Variants in GARIN2 observed in about 807,000 individuals in gnomAD.
GARIN2 encodes Golgi-associated RAB2 interactor protein 2.
the GARIN2 span, chr14:67,199,253 G>T: frequency 1.9e-5 from 30 of 1,598,226 alleles, no homozygotes; most frequent in Non-Finnish European, 2.6e-5. Context: ...CTTGAGTGAG[G>T]ATGATGCTGA....
chr14:67,207,629 G>A, the GARIN2 span, among the ~76,000 whole-genome samples: 2 of 152,126 alleles, frequency 1.3e-5, no homozygotes, highest in African/African-American at 4.8e-5. Context: ...TTGGCTTTAG[G>A]GCCTGCTGAC....
chr14:67,197,305 G>A, the GARIN2 span: 1 of 152,168 alleles, frequency 6.6e-6, no homozygotes, highest in African/African-American at 2.4e-5. Flanking sequence ...TCAAACTGAA[G>A]TGAGTTAAAA....
At chr14:67,192,851 GATATACAGAT>G in the GARIN2 span, among the ~76,000 whole-genome samples, 1 of 140,302 alleles carries the variant, frequency 7.1e-6, no homozygotes, top group African/African-American at 2.6e-5. Context: ...TCTATATATA[GATATACAGAT>G]ATATATAGAT....
chr14:67,191,731 G>C, the GARIN2 span, among the ~76,000 whole-genome samples: 1 of 152,194 alleles, frequency 6.6e-6, no homozygotes, highest in African/African-American at 2.4e-5. Flanking sequence ...GGAACGTCTA[G>C]AGAGCAGCTG....
chr14:67,191,541 T>A, the GARIN2 span, among the ~76,000 whole-genome samples: 29 of 152,200 alleles, frequency 1.9e-4, no homozygotes, highest in Non-Finnish European at 3.4e-4. Flanking sequence ...ACTCAAGCTG[T>A]CACATTTCCA....
At chr14:67,204,715 A>G in the GARIN2 span, 2 of 1,614,002 alleles carry the variant, frequency 1.2e-6, no homozygotes, top group South Asian at 1.1e-5. Flanking sequence ...GGAGAAAGCC[A>G]AAGTTTCCAA....
the GARIN2 span, among the ~76,000 whole-genome samples, chr14:67,223,417 T>G: frequency 6.6e-6 from 1 of 152,226 alleles, no homozygotes; most frequent in South Asian, 2.1e-4. Flanking sequence ...TATCATAGCT[T>G]ACAAGAAAAG....
the GARIN2 span, among the ~76,000 whole-genome samples, chr14:67,215,772 C>G: frequency 3.3e-5 from 5 of 152,138 alleles, no homozygotes; most frequent in African/African-American, 1.2e-4. Context: ...TTGATCAGGT[C>G]TGGTCACTCT....
chr14:67,223,598 C>G, the GARIN2 span: 1 of 450,950 alleles, frequency 2.2e-6, no homozygotes, highest in Non-Finnish European at 2.9e-6. Flanking sequence ...AAATTCCACT[C>G]TGGGCTTGTT....
At chr14:67,193,066 A>AGATATAGATATATCTCTATATCTC in the GARIN2 span, among the ~76,000 whole-genome samples, 2 of 142,164 alleles carry the variant, frequency 1.4e-5, no homozygotes, top group African/African-American at 5.2e-5. Context: ...CTCTATATCT[A>AGATATAGATATATCTCTATATCTC]TATATATCCA....
At chr14:67,226,951 C>T in the GARIN2 span, among the ~76,000 whole-genome samples, 1 of 152,122 alleles carries the variant, frequency 6.6e-6, no homozygotes, top group African/African-American at 2.4e-5. Flanking sequence ...GAAGCTCTGC[C>T]ATCTTTCAAT....
chr14:67,204,158 T>A, the GARIN2 span, among the ~76,000 whole-genome samples: 1 of 152,192 alleles, frequency 6.6e-6, no homozygotes, highest in South Asian at 2.1e-4. Flanking sequence ...AGAAAGAGGC[T>A]GGGCATGGTG....
the GARIN2 span, chr14:67,200,229 C>T: frequency 9.9e-7 from 1 of 1,008,504 alleles, no homozygotes; most frequent in South Asian, 1.7e-5. Context: ...CCCTCCACAA[C>T]CCACACCCTA....
At chr14:67,200,182 G>A in the GARIN2 span, 2 of 1,157,940 alleles carry the variant, frequency 1.7e-6, no homozygotes. Context: ...TGGTATGCGT[G>A]GACTTCCTCC....
the GARIN2 span, chr14:67,198,448 C>T: frequency 5.4e-5 from 48 of 884,122 alleles, no homozygotes; most frequent in African/African-American, 7.2e-4. Context: ...CAAAAGAGAA[C>T]AGTTTGGGAA....
chr14:67,205,290 A>G, the GARIN2 span, among the ~76,000 whole-genome samples: 7 of 152,316 alleles, frequency 4.6e-5, no homozygotes, highest in African/African-American at 1.7e-4. Flanking sequence ...ATAGGCAGTG[A>G]CAACCCTTAA....
chr14:67,216,018 G>T, the GARIN2 span, among the ~76,000 whole-genome samples: 1 of 152,090 alleles, frequency 6.6e-6, no homozygotes, highest in Admixed American at 6.6e-5. Flanking sequence ...TGCAGTTTTA[G>T]ATTTACAAAA....
chr14:67,192,807 T>C, the GARIN2 span, among the ~76,000 whole-genome samples: 2 of 147,602 alleles, frequency 1.4e-5, no homozygotes, highest in African/African-American at 2.5e-5. Flanking sequence ...TATATATAGA[T>C]ATAGATATCT....
the GARIN2 span, among the ~76,000 whole-genome samples, chr14:67,224,259 C>CTTTTTTT: frequency 7.4e-6 from 1 of 134,800 alleles, no homozygotes; most frequent in Non-Finnish European, 1.6e-5. Flanking sequence ...TCTCTCTTTT[C>CTTTTTTT]TTTTTTTTTT....
Sources: allele counts gnomAD v4.1 joint callset (sites outside exome capture counted in the v4.1 genomes callset), GRCh38; gene constraint gnomAD v4.1.1; transcripts MANE v1.5; gene names NCBI Gene and HGNC (gene_info 2026-07-23, HGNC 2026-07-21).